Variants in PTBP2 observed in about 807,000 individuals in gnomAD.
PTBP2 encodes the protein polypyrimidine tract binding protein 2.
A neutral mutation model predicts 61.4 loss-of-function variants in PTBP2; 13 were observed. That is an observed-to-expected ratio of 0.21 (90% CI 0.14 to 0.34). The LOEUF (loss-of-function observed/expected upper bound fraction) is 0.34. Among genes scored for constraint, PTBP2 ranks in the 10% least tolerant of loss-of-function variants. The pLI is 1.00. For synonymous variants in PTBP2, 215 were observed against 218.5 expected, an observed-to-expected ratio of 0.98 and a Z score of 0.14; for missense variants, 405 against 642.6, an observed-to-expected ratio of 0.63 and a Z score of 4.00.
intron 2 of PTBP2, among the ~76,000 whole-genome samples, chr1:96,747,781 C>G (rs1436819514): frequency 1.3e-5 from 2 of 151,944 alleles, no homozygotes; most frequent in African/African-American, 4.8e-5. Flanking sequence ...TGTTGCTTCA[C>G]TGATCCCTAG....
At chr1:96,799,313 T>TTTTTTTA (rs59119267) in intron 8 of PTBP2, among the ~76,000 whole-genome samples, 1 of 146,376 alleles carries the variant, frequency 6.8e-6, no homozygotes. Context: ...TTTTTTTTTT[T>TTTTTTTA]GAGATGGAGT....
chr1:96,795,440 G>A (rs1320696889), intron 8 of PTBP2, among the ~76,000 whole-genome samples: 1 of 152,146 alleles, frequency 6.6e-6, no homozygotes, highest in Non-Finnish European at 1.5e-5. Context: ...TAAGACTTGG[G>A]TAAGAGTTCT....
At chr1:96,727,503 A>G (rs1312272349) in intron 2 of PTBP2, among the ~76,000 whole-genome samples, 2 of 152,214 alleles carry the variant, frequency 1.3e-5, no homozygotes, top group East Asian at 3.9e-4. Context: ...ACCATCTTAC[A>G]TTGCCATCAG....
chr1:96,763,460 A>G (rs990598291), intron 3 of PTBP2, among the ~76,000 whole-genome samples: 1 of 151,192 alleles, frequency 6.6e-6, no homozygotes, highest in Admixed American at 6.6e-5. Flanking sequence ...TGCCTGCAAT[A>G]GCAGGCACTC....
At chr1:96,756,877 C>T (rs1313482855) in intron 3 of PTBP2, among the ~76,000 whole-genome samples, 1 of 152,054 alleles carries the variant, frequency 6.6e-6, no homozygotes, top group East Asian at 1.9e-4. Flanking sequence ...TACATTTTTC[C>T]AAACCCATAG....
rs1557674561 is a variant in PTBP2, at chr1:96,721,884, G to C, written c.8+12G>C. ...TCGGCAATGGACGGGTATGTAATCG[G>C]GCCGGCGAGAAGGTGTGTGTGAGAG... On this transcript the variant is annotated intron_variant, in intron 1 of 13. Transcript: ENST00000674951. 1.3e-6 allele frequency: 2 copies of C among 1,574,676 alleles called. No homozygotes were observed. The highest frequency in any genetic ancestry group is 1.7e-6 in the Non-Finnish European group (2 of 1,159,954).
At chr1:96,781,579 C>T (rs1320693650) in intron 7 of PTBP2, among the ~76,000 whole-genome samples, 1 of 151,972 alleles carries the variant, frequency 6.6e-6, no homozygotes, top group Non-Finnish European at 1.5e-5. Flanking sequence ...ACTTCTGCTT[C>T]TCTTTGTCTT....
At chr1:96,794,692 T>C (rs1253178917) in intron 8 of PTBP2, among the ~76,000 whole-genome samples, 1 of 152,162 alleles carries the variant, frequency 6.6e-6, no homozygotes, top group African/African-American at 2.4e-5. Flanking sequence ...AGAAAACATA[T>C]GAGTTAGATC....
chr1:96,768,502 C>T (rs1657005566), intron 3 of PTBP2, among the ~76,000 whole-genome samples: 1 of 151,898 alleles, frequency 6.6e-6, no homozygotes, highest in Non-Finnish European at 1.5e-5. Flanking sequence ...CTGAATGTGT[C>T]AAGATCCTTC....
chr1:96,745,983 T>C (rs1054301789), intron 2 of PTBP2, among the ~76,000 whole-genome samples: 4 of 151,950 alleles, frequency 2.6e-5, no homozygotes, highest in African/African-American at 9.7e-5. Flanking sequence ...GGAGAATCGC[T>C]TGAACCCAGG....
intron 5 of PTBP2, among the ~76,000 whole-genome samples, chr1:96,773,123 C>CAAAAAAAAA (rs563241972): frequency 4.5e-5 from 4 of 88,268 alleles, no homozygotes; most frequent in African/African-American, 1.4e-4. Context: ...GACTCTATCT[C>CAAAAAAAAA]AAAAAAAAAA....
chr1:96,754,596 A>T (rs1654950362), intron 3 of PTBP2, among the ~76,000 whole-genome samples: 1 of 152,236 alleles, frequency 6.6e-6, no homozygotes. Context: ...ATTGACTACC[A>T]GTTTTCAAGA....
chr1:96,762,467 G>A (rs1218398452), intron 3 of PTBP2, among the ~76,000 whole-genome samples: 12 of 138,156 alleles, frequency 8.7e-5, no homozygotes, highest in African/African-American at 2.2e-4. Flanking sequence ...CCTCCCTCCC[G>A]GACGGGGCGG....
intron 2 of PTBP2, among the ~76,000 whole-genome samples, chr1:96,748,203 A>C (rs1465840891): frequency 6.6e-6 from 1 of 152,152 alleles, no homozygotes; most frequent in Admixed American, 6.5e-5. Context: ...GTTAGTTCTC[A>C]GTCCCAAACC....
At chr1:96,761,375 TGTGTGTG>T in intron 3 of PTBP2, among the ~76,000 whole-genome samples, 1 of 151,624 alleles carries the variant, frequency 6.6e-6, no homozygotes, top group African/African-American at 2.4e-5. Flanking sequence ...TGTGTGTGTG[TGTGTGTG>T]TGTGTGTAGC....
rs865984750 is a variant in PTBP2 at position 96,762,120 on chromosome 1, T to C, written c.116-7583T>C. On this transcript the variant is annotated intron_variant, in intron 3 of 13. Transcript: ENST00000674951. ...ACAGAACAAAATGAAAAGTCTCCCATGTCTACCTCTTTCTACACAGACACG... is the reference window on the plus strand; with the variant it reads ...ACAGAACAAAATGAAAAGTCTCCCACGTCTACCTCTTTCTACACAGACACG... Among the ~76,000 whole-genome samples, 527 of 151,080 alleles carry C rather than the reference T, an allele frequency of 3.5e-3. 1 individual carries two copies. The highest frequency in any genetic ancestry group is 0.011 in the African/African-American group (463 of 41,054).
chr1:96,745,448 T>C (rs1203783088), intron 2 of PTBP2, among the ~76,000 whole-genome samples: 1 of 152,108 alleles, frequency 6.6e-6, no homozygotes, highest in African/African-American at 2.4e-5. Flanking sequence ...AGGTGTGAGC[T>C]ACTGCGCCCA....
intron 11 of PTBP2, among the ~76,000 whole-genome samples, chr1:96,810,704 A>G (rs1661997692): frequency 6.6e-6 from 1 of 152,188 alleles, no homozygotes; most frequent in Non-Finnish European, 1.5e-5. Context: ...ACTTATTTAT[A>G]TCACTTTATT....
At chr1:96,727,436 T>C (rs1473812154) in intron 2 of PTBP2, among the ~76,000 whole-genome samples, 2 of 152,226 alleles carry the variant, frequency 1.3e-5, no homozygotes, top group African/African-American at 4.8e-5. Context: ...GTCTGGATCA[T>C]GTGATAGGCA....
Sources: allele counts gnomAD v4.1 joint callset (sites outside exome capture counted in the v4.1 genomes callset), GRCh38; gene constraint gnomAD v4.1.1; transcripts MANE v1.5; gene names NCBI Gene and HGNC (gene_info 2026-07-23, HGNC 2026-07-21).